The following INTS4 variants were observed in gnomAD, a reference collection of about 807,000 sequenced individuals.
The protein encoded by INTS4 is integrator complex subunit 4.
INTS4 carries 70 observed loss-of-function variants against 119.5 expected under a neutral mutation model. The observed-to-expected ratio is 0.59, with a 90% CI of 0.48 to 0.71. INTS4 has a LOEUF of 0.71. Ranked by LOEUF, INTS4 falls within the 30% of genes least tolerant of loss-of-function variation. The pLI is 0.00. For missense variants in INTS4, 867 were observed against 1,173.2 expected, an observed-to-expected ratio of 0.74 and a Z score of 3.81; for synonymous variants, 316 against 419.6, an observed-to-expected ratio of 0.75 and a Z score of 3.02.
chr11:77,974,547 T>G (rs2136626194), intron 4 of INTS4, among the ~76,000 whole-genome samples: 1 of 142,362 alleles, frequency 7.0e-6, no homozygotes, highest in Admixed American at 6.9e-5. Flanking sequence ...AGCCTATGAT[T>G]TTTCATAATA....
At chr11:77,916,801 T>C (rs1200185865) in intron 15 of INTS4, among the ~76,000 whole-genome samples, 1 of 152,264 alleles carries the variant, frequency 6.6e-6, no homozygotes, top group Non-Finnish European at 1.5e-5. Context: ...CATCTGTTTT[T>C]CCACAGCATC....
chr11:77,994,310 T>C (rs987380526), intron 1 of INTS4, among the ~76,000 whole-genome samples: 1 of 152,112 alleles, frequency 6.6e-6, no homozygotes, highest in Non-Finnish European at 1.5e-5. Flanking sequence ...TGGAGCAAAG[T>C]TGTGTGAGAG....
chr11:77,880,367 G>A (rs1387540607), intron 22 of INTS4, among the ~76,000 whole-genome samples: 1 of 152,096 alleles, frequency 6.6e-6, no homozygotes, highest in African/African-American at 2.4e-5. Flanking sequence ...TCAGCCCAAG[G>A]CCAGAGCAAT....
intron 16 of INTS4, among the ~76,000 whole-genome samples, chr11:77,905,527 G>A (rs1240220623): frequency 6.6e-6 from 1 of 151,546 alleles, no homozygotes; most frequent in Non-Finnish European, 1.5e-5. Context: ...TCAGAAATCT[G>A]ACTCCATGAA....
At chr11:77,944,457 T>C (rs1954000947) in intron 8 of INTS4, among the ~76,000 whole-genome samples, 1 of 152,220 alleles carries the variant, frequency 6.6e-6, no homozygotes, top group African/African-American at 2.4e-5. Flanking sequence ...GCTACCTAGT[T>C]ACTCATCCTT....
At chr11:77,944,237 G>A (rs1160313748) in intron 8 of INTS4, among the ~76,000 whole-genome samples, 3 of 152,066 alleles carry the variant, frequency 2.0e-5, no homozygotes, top group South Asian at 4.1e-4. Flanking sequence ...AGATAGACTC[G>A]AGGCTACAAA....
chr11:77,963,983 T>C (rs1855369741), intron 4 of INTS4, among the ~76,000 whole-genome samples: 1 of 152,216 alleles, frequency 6.6e-6, no homozygotes, highest in African/African-American at 2.4e-5. Context: ...TGTATGCAGA[T>C]TCTAATGTAT....
At chr11:77,974,178 T>C (rs7101610) in intron 4 of INTS4, among the ~76,000 whole-genome samples, 91,530 of 150,374 alleles carry the variant, frequency 0.61, 28,433 homozygotes, top group African/African-American at 0.71. Context: ...GTTTTTGTCT[T>C]TCTAATAATT....
rs1814026226 is a variant in INTS4, at chr11:77,979,765, G to A, written c.365-663C>T. ...GAGGCTGAGGCGGGCAGATCATGAG[G>A]TCAGGAATTCGAGACCAGCCTGACC... is the stretch of plus-strand genomic sequence containing the variant. On this transcript the variant is annotated intron_variant, in intron 3 of 22. Coordinates refer to ENST00000534064, the MANE Select transcript of INTS4 (RefSeq NM_033547.4). 2.0e-5 allele frequency among the ~76,000 whole-genome samples: 3 copies of A among 151,314 alleles called. No individual in the cohort carries two copies. In the South Asian group the frequency reaches 6.3e-4, roughly 32 times the overall value.
chr11:77,906,573 G>GA (rs1952959953), intron 16 of INTS4, among the ~76,000 whole-genome samples: 1 of 152,208 alleles, frequency 6.6e-6, no homozygotes, highest in Admixed American at 6.5e-5. Context: ...TTGGAGTGAT[G>GA]AAAATGTTCT....
At chr11:77,971,212 T>A (rs1855717310) in intron 4 of INTS4, among the ~76,000 whole-genome samples, 1 of 152,230 alleles carries the variant, frequency 6.6e-6, no homozygotes, top group Non-Finnish European at 1.5e-5. Flanking sequence ...TTATTAGATT[T>A]TTTGTAACAC....
chr11:77,933,584 C>T (rs879539726), intron 10 of INTS4, among the ~76,000 whole-genome samples: 1 of 152,192 alleles, frequency 6.6e-6, no homozygotes, highest in Non-Finnish European at 1.5e-5. Context: ...CAACCTCCAC[C>T]TCCCAGCCGC....
At chr11:77,880,147 C>A (rs1394259244) in intron 22 of INTS4, among the ~76,000 whole-genome samples, 2 of 152,036 alleles carry the variant, frequency 1.3e-5, no homozygotes, top group African/African-American at 4.8e-5. Flanking sequence ...TTTGGTGCAA[C>A]CAGAGCAAAA....
chr11:77,960,303 A>C (rs1591110761), intron 6 of INTS4, 38 bp downstream of exon 6: 1 of 1,480,082 alleles, frequency 6.8e-7, no homozygotes, highest in Non-Finnish European at 9.4e-7. Context: ...GCTTCATGAT[A>C]CCTCCAACCC....
chr11:77,942,192 C>CTG (rs1953943717), intron 8 of INTS4, among the ~76,000 whole-genome samples: 1 of 152,136 alleles, frequency 6.6e-6, no homozygotes, highest in African/African-American at 2.4e-5. Flanking sequence ...GTAAGGGAAA[C>CTG]TGACAAGAAA....
At chr11:77,899,474 C>G (rs1473718403) in intron 18 of INTS4, among the ~76,000 whole-genome samples, 2 of 151,948 alleles carry the variant, frequency 1.3e-5, no homozygotes, top group Non-Finnish European at 2.9e-5. Flanking sequence ...GAGTTCGAGA[C>G]CAGCCTGGCT....
rs1856082111 is a variant in INTS4 at position 77,979,118 on chromosome 11, G to C, written c.365-16C>G. ...TGATGAGACTCTAGAGAGGGAGATA[G>C]AAAGTTGGCTTGTAGAATTTCGAAA... On this transcript the variant is annotated splice_polypyrimidine_tract_variant and intron_variant, in intron 3 of 22. Transcript: ENST00000534064. 2 of 1,522,750 alleles carry C rather than the reference G, an allele frequency of 1.3e-6. No homozygotes were observed. The highest frequency in any genetic ancestry group is 1.4e-5 in the African/African-American group (1 of 72,910). The allele number at this position is 1,522,750 out of a possible 1,614,324, so 94.3% of individuals were successfully genotyped here.
At position 77,928,360 on chromosome 11, in the gene INTS4, A is replaced by G. The variant is rs1278760763; in HGVS notation, c.1353T>C (p.Thr451=). The change falls in exon 11 of 23, where the codon ACT becomes ACC. Residue 451 remains threonine (T), a synonymous_variant. Transcript: ENST00000534064. ...CACTCACCTCTAGCACAGCCAGGACAGTGTCAAGCTGATCTTCTCGGAGGG... is the reference window on the plus strand; with the variant it reads ...CACTCACCTCTAGCACAGCCAGGACGGTGTCAAGCTGATCTTCTCGGAGGG... ...NITLREDQLD[T]VLAVLEDSSR... 6.2e-6 allele frequency: 10 copies of G among 1,613,060 alleles called. No individual in the cohort carries two copies. Among genetic ancestry groups the G allele is most frequent in the African/African-American group, 4.0e-5 (3 of 74,822 alleles).
chr11:77,935,903 A>AAAAAAAGAAAAGAAACAGAG (rs71046927), intron 10 of INTS4, among the ~76,000 whole-genome samples: 10 of 86,994 alleles, frequency 1.1e-4, no homozygotes, highest in Admixed American at 2.6e-4. Context: ...CTCAAAAAAA[A>AAAAAAAGAAAAGAAACAGAG]AAAAAAGAAA....
Sources: allele counts gnomAD v4.1 joint callset (sites outside exome capture counted in the v4.1 genomes callset), GRCh38; gene constraint gnomAD v4.1.1; transcripts MANE v1.5; gene names NCBI Gene and HGNC (gene_info 2026-07-23, HGNC 2026-07-21).